Variants in DDB2 observed in about 807,000 individuals in gnomAD.
DDB2 encodes DNA damage-binding protein 2.
DDB2 carries 27 observed loss-of-function variants against 50.5 expected under a neutral mutation model. The observed-to-expected ratio is 0.53, with a 90% CI of 0.39 to 0.74. DDB2 has a LOEUF of 0.74. Among genes scored for constraint, DDB2 ranks in the 30% least tolerant of loss-of-function variants. The pLI is 0.00. For missense variants in DDB2, 424 were observed against 545.6 expected, an observed-to-expected ratio of 0.78 and a Z score of 2.22; for synonymous variants, 176 against 205.5, an observed-to-expected ratio of 0.86 and a Z score of 1.23.
Position 47,215,126 on chromosome 11 carries a change from C to T in DDB2, c.-11C>T, listed in dbSNP as rs954238770. 2.5e-6 allele frequency: 4 copies of T among 1,613,886 alleles called. No homozygotes were observed. The highest frequency in any genetic ancestry group is 3.4e-6 in the Non-Finnish European group (4 of 1,179,984). On this transcript the variant is annotated 5_prime_UTR_variant, in exon 1 of 10. The change creates a new upstream start codon in the 5' untranslated region. Transcript: ENST00000256996. The stretch of plus-strand genomic sequence containing the variant: ...GCATAGAGCACAGTACCCCTTCACA[C>T]GGAGGACGCGATGGCTCCCAAGAAA...
intron 1 of DDB2, 87 bp downstream of exon 1, chr11:47,215,350 T>TC (rs1219266936): frequency 6.9e-6 from 11 of 1,600,866 alleles, no homozygotes; most frequent in Non-Finnish European, 9.4e-6. Flanking sequence ...GCTCCGAGGC[T>TC]CCCGAGGCCC....
At chr11:47,236,259 G>A (rs1283731238) in intron 7 of DDB2, among the ~76,000 whole-genome samples, 2 of 152,052 alleles carry the variant, frequency 1.3e-5, no homozygotes, top group Non-Finnish European at 2.9e-5. Flanking sequence ...TTGTCTTGCA[G>A]GTTTCAGTGC....
At position 47,234,634 on chromosome 11, in the gene DDB2, G is replaced by C. The variant is rs764805641; in HGVS notation, c.664G>C (p.Val222Leu). The stretch of plus-strand genomic sequence containing the variant: ...CCGAATGGTGGTCACAGGAGACAAC[G>C]TGGGGAACGTGATCCTGCTGAACAT... ...SSRMVVTGDN[V>L]GNVILLNMDG... The change falls in exon 5 of 10, where the codon GTG becomes CTG. Residue 222 changes from valine (V) to leucine (L), a missense_variant. Coordinates refer to ENST00000256996, the MANE Select transcript of DDB2 (RefSeq NM_000107.3). 6.8e-6 allele frequency: 11 copies of C among 1,614,158 alleles called. No individual in the cohort carries two copies. Among genetic ancestry groups the C allele is most frequent in the Non-Finnish European group, 8.5e-6 (10 of 1,180,030 alleles).
At chr11:47,218,113 G>A (rs1953427516) in intron 3 of DDB2, among the ~76,000 whole-genome samples, 1 of 152,068 alleles carries the variant, frequency 6.6e-6, no homozygotes, top group South Asian at 2.1e-4. Flanking sequence ...AGAGGCTTTC[G>A]CTGGTTGTCC....
intron 2 of DDB2, 88 bp downstream of exon 2, chr11:47,216,560 A>G: frequency 6.3e-7 from 1 of 1,576,208 alleles, no homozygotes. Context: ...GGCTTGGTTC[A>G]CCAGCTTGTC....
intron 3 of DDB2, among the ~76,000 whole-genome samples, chr11:47,226,830 C>T (rs1953565801): frequency 1.4e-5 from 2 of 148,036 alleles, no homozygotes; most frequent in South Asian, 4.2e-4. Flanking sequence ...CAGCCTCGAA[C>T]TTCTGGGCTC....
intron 3 of DDB2, among the ~76,000 whole-genome samples, chr11:47,218,364 G>T (rs952208936): frequency 1.3e-5 from 2 of 152,214 alleles, no homozygotes; most frequent in African/African-American, 4.8e-5. Context: ...GTGTAATTGA[G>T]CAGATGGGAT....
intron 2 of DDB2, 48 bp downstream of exon 2, chr11:47,216,520 T>G: frequency 6.2e-7 from 1 of 1,611,110 alleles, no homozygotes; most frequent in Non-Finnish European, 8.5e-7. Flanking sequence ...ACGTGCATTT[T>G]TACTATTGCA....
At chr11:47,234,518 G>A in intron 4 of DDB2, 55 bp from the exon 5 acceptor site, 2 of 1,461,886 alleles carry the variant, frequency 1.4e-6, no homozygotes, top group East Asian at 2.3e-5. Flanking sequence ...GCAACAGTGA[G>A]TAAATAGGAC....
At chr11:47,237,187 T>C (rs944791784) in intron 7 of DDB2, among the ~76,000 whole-genome samples, 2 of 152,196 alleles carry the variant, frequency 1.3e-5, no homozygotes, top group East Asian at 1.9e-4. Context: ...CCAGAGGCTT[T>C]TTCTGCTTTG....
At chr11:47,231,121 A>C (rs1379275246) in intron 3 of DDB2, among the ~76,000 whole-genome samples, 1 of 71,126 alleles carries the variant, frequency 1.4e-5, no homozygotes, top group Non-Finnish European at 2.6e-5. Context: ...CTTCATCTCA[A>C]AAAAAAAAAA....
Position 47,229,391 on chromosome 11 carries a change from G to T in DDB2, c.457-3423G>T, listed in dbSNP as rs182906461. ...TTGCATGGAGAGGGGCGGCCGTGGC[G>T]CCTGATGTGGGCAAGGAAGTTGTGT... On this transcript the variant is annotated intron_variant, in intron 3 of 9. Transcript: ENST00000256996. 7.2e-4 allele frequency among the ~76,000 whole-genome samples: 110 copies of T among 152,240 alleles called. 1 individual carries two copies. The South Asian group carries it at 0.012, about 16-fold the overall frequency.
rs375840702 is a variant in DDB2 at position 47,215,106 on chromosome 11, G to C, written c.-31G>C. ...ATCCTCCCTCCATGATCTTCGCATA[G>C]AGCACAGTACCCCTTCACACGGAGG... On this transcript the variant is annotated 5_prime_UTR_variant, in exon 1 of 10. It removes the in-frame stop codon of an upstream open reading frame in the 5' UTR. Transcript: ENST00000256996. The C allele has an allele frequency of 8.1e-5, 130 of 1,613,958 alleles. No individual in the cohort carries two copies. The highest frequency in any genetic ancestry group is 1.7e-4 in the Admixed American group (10 of 60,006).
intron 1 of DDB2, chr11:47,215,696 A>C (rs538686021): frequency 3.4e-6 from 1 of 291,254 alleles, no homozygotes; most frequent in Non-Finnish European, 6.7e-6. Context: ...ACCTGGGGCT[A>C]TAAGGAGTTT....
Position 47,216,391 on chromosome 11 carries a change from G to A in DDB2, c.183G>A (p.Gln61=), listed in dbSNP as rs760456614. Residue 61 remains glutamine (Q), a synonymous_variant, in exon 2 of 10, where the codon CAG becomes CAA. Coordinates refer to ENST00000256996, the MANE Select transcript of DDB2 (RefSeq NM_000107.3). ...TCTGGGTGGGGCTGGCTGGCCCACAGATCCTGCCACCATGCCGCAGCATCG... is the reference window on the plus strand; with the variant it reads ...TCTGGGTGGGGCTGGCTGGCCCACAAATCCTGCCACCATGCCGCAGCATCG... ...DCLWVGLAGP[Q]ILPPCRSIVR... is the part of the protein sequence containing the mutation. The A allele has an allele frequency of 2.5e-6, 4 of 1,614,180 alleles. No homozygotes were observed. Among genetic ancestry groups the A allele is most frequent in the Middle Eastern group, 3.3e-4 (2 of 6,046 alleles).
Position 47,237,992 on chromosome 11 carries a change from C to T in DDB2, c.1179C>T (p.Gly393=). ...MCQLYDPESS[G]ISSLNEFNPM... ...AGCTCTATGACCCAGAATCTTCTGGCATCAGTTCGGTGAGGCTTGGGTCCT... is the reference window on the plus strand; with the variant it reads ...AGCTCTATGACCCAGAATCTTCTGGTATCAGTTCGGTGAGGCTTGGGTCCT... The change falls in exon 8 of 10, where the codon GGC becomes GGT. Residue 393 remains glycine, a synonymous_variant. Coordinates refer to ENST00000256996, the MANE Select transcript of DDB2 (RefSeq NM_000107.3). 1 of 1,614,172 alleles carries T rather than the reference C, an allele frequency of 6.2e-7. No homozygotes were observed. Among genetic ancestry groups the T allele is most frequent in the Non-Finnish European group, 8.5e-7 (1 of 1,180,032 alleles).
At chr11:47,230,274 T>G (rs538593516) in intron 3 of DDB2, among the ~76,000 whole-genome samples, 2 of 152,128 alleles carry the variant, frequency 1.3e-5, no homozygotes, top group East Asian at 3.8e-4. Context: ...CATCAAGGTT[T>G]TGAACTCCTG....
At chr11:47,222,675 A>G (rs1293451318) in intron 3 of DDB2, among the ~76,000 whole-genome samples, 1 of 152,190 alleles carries the variant, frequency 6.6e-6, no homozygotes, top group Non-Finnish European at 1.5e-5. Flanking sequence ...CAGTTTATTC[A>G]TTTACCTGTT....
intron 3 of DDB2, among the ~76,000 whole-genome samples, chr11:47,219,507 C>T (rs531989426): frequency 3.3e-5 from 5 of 152,034 alleles, no homozygotes; most frequent in Non-Finnish European, 5.9e-5. Context: ...ACTACAGGTA[C>T]GCACCACCAT....
Sources: allele counts gnomAD v4.1 joint callset (sites outside exome capture counted in the v4.1 genomes callset), GRCh38; gene constraint gnomAD v4.1.1; transcripts MANE v1.5; gene names NCBI Gene and HGNC (gene_info 2026-07-23, HGNC 2026-07-21).